The following ARL15 variants were observed in gnomAD, a reference collection of about 807,000 sequenced individuals.
ARL15 encodes ADP-ribosylation factor-like protein 15.
In ARL15, 19 loss-of-function variants were observed where a neutral mutation model predicts 25.2. The observed-to-expected ratio is 0.75, with a 90% CI of 0.53 to 1.10. The LOEUF (loss-of-function observed/expected upper bound fraction) is 1.10, where lower values mean the gene tolerates loss of function less well. Ranked by LOEUF, ARL15 falls within the 50% of genes least tolerant of loss-of-function variation. ARL15 has a pLI of 0.00. For missense variants in ARL15, 220 were observed against 246.0 expected, an observed-to-expected ratio of 0.89 and a Z score of 0.71; for synonymous variants, 94 against 86.8, an observed-to-expected ratio of 1.08 and a Z score of -0.46.
At chr5:54,177,855 C>T (rs1233397462) in intron 1 of ARL15, among the ~76,000 whole-genome samples, 1 of 152,170 alleles carries the variant, frequency 6.6e-6, no homozygotes, top group African/African-American at 2.4e-5. Flanking sequence ...GCTCAAAGTT[C>T]TGTTTAAAGG....
chr5:53,942,815 G>A (rs982978100), intron 4 of ARL15, among the ~76,000 whole-genome samples: 1 of 152,118 alleles, frequency 6.6e-6, no homozygotes, highest in African/African-American at 2.4e-5. Context: ...TGTAGGTGGA[G>A]AAGAGATTAA....
At chr5:53,940,090 T>G (rs1026718323) in intron 4 of ARL15, among the ~76,000 whole-genome samples, 1 of 151,766 alleles carries the variant, frequency 6.6e-6, no homozygotes, top group Non-Finnish European at 1.5e-5. Context: ...GCCATTCTCC[T>G]GCCTCAGCCT....
chr5:53,909,050 A>G (rs1326482625), intron 4 of ARL15, among the ~76,000 whole-genome samples: 2 of 152,218 alleles, frequency 1.3e-5, no homozygotes, highest in Non-Finnish European at 2.9e-5. Flanking sequence ...GGAGAGTAAT[A>G]ACAATGTTTC....
At chr5:54,054,946 C>G (rs1750816697) in intron 4 of ARL15, among the ~76,000 whole-genome samples, 1 of 152,168 alleles carries the variant, frequency 6.6e-6, no homozygotes, top group Non-Finnish European at 1.5e-5. Flanking sequence ...ACATTCCACA[C>G]TCTTGGACAC....
chr5:53,984,521 G>A (rs1410049742), intron 4 of ARL15, among the ~76,000 whole-genome samples: 1 of 151,904 alleles, frequency 6.6e-6, no homozygotes, highest in Non-Finnish European at 1.5e-5. Context: ...AGGCCCCAAC[G>A]CCTATTTAGT....
chr5:53,946,178 G>T (rs530760822), intron 4 of ARL15, among the ~76,000 whole-genome samples: 1 of 152,146 alleles, frequency 6.6e-6, no homozygotes, highest in Admixed American at 6.5e-5. Context: ...AATAGGCTGC[G>T]CACCATCGCT....
chr5:54,197,223 T>C (rs1251719139), intron 1 of ARL15, among the ~76,000 whole-genome samples: 2 of 152,134 alleles, frequency 1.3e-5, no homozygotes, highest in Non-Finnish European at 2.9e-5. Context: ...CAATGTTATC[T>C]GGCAATTCAT....
chr5:54,213,031 C>T (rs1756088153), intron 1 of ARL15, among the ~76,000 whole-genome samples: 2 of 152,202 alleles, frequency 1.3e-5, no homozygotes, highest in Admixed American at 6.5e-5. Context: ...ATCAAGCAAA[C>T]ATAGCATAAT....
intron 2 of ARL15, among the ~76,000 whole-genome samples, chr5:54,163,355 G>GTTGTTTTTTTTTTT (rs1754465268): frequency 1.9e-5 from 1 of 51,342 alleles, no homozygotes; most frequent in Non-Finnish European, 3.5e-5. Flanking sequence ...TTGGTATGAA[G>GTTGTTTTTTTTTTT]CTTTTTTTTT....
At chr5:54,165,382 A>T (rs1047413119) in intron 2 of ARL15, among the ~76,000 whole-genome samples, 21 of 151,922 alleles carry the variant, frequency 1.4e-4, no homozygotes, top group African/African-American at 5.1e-4. Context: ...TTCTTTTAAC[A>T]TTTCTTATAA....
At chr5:54,285,743 C>A (rs994744440) in intron 1 of ARL15, among the ~76,000 whole-genome samples, 2 of 152,168 alleles carry the variant, frequency 1.3e-5, no homozygotes, top group African/African-American at 2.4e-5. Flanking sequence ...AAAACCCCTT[C>A]GAATGAGGCC....
intron 1 of ARL15, among the ~76,000 whole-genome samples, chr5:54,210,800 T>A (rs371479466): frequency 4.6e-5 from 7 of 152,232 alleles, no homozygotes; most frequent in African/African-American, 1.7e-4. Context: ...ATATGCCACA[T>A]AGTTCAATCT....
chr5:54,123,075 A>G (rs1193254535), intron 3 of ARL15, among the ~76,000 whole-genome samples: 1 of 151,856 alleles, frequency 6.6e-6, no homozygotes, highest in African/African-American at 2.4e-5. Flanking sequence ...ATAGTCTAAA[A>G]GAACTCTTAC....
intron 4 of ARL15, among the ~76,000 whole-genome samples, chr5:54,066,625 C>T (rs944812653): frequency 2.0e-5 from 3 of 152,204 alleles, no homozygotes; most frequent in Admixed American, 6.5e-5. Flanking sequence ...TTGGGAGATA[C>T]TTTTGATGGT....
intron 4 of ARL15, among the ~76,000 whole-genome samples, chr5:54,001,763 G>A (rs1366532795): frequency 6.6e-6 from 1 of 152,184 alleles, no homozygotes; most frequent in Admixed American, 6.5e-5. Flanking sequence ...AACAATGGCT[G>A]AAGGAACATC....
chr5:54,239,315 G>C (rs1756893059), intron 1 of ARL15, among the ~76,000 whole-genome samples: 1 of 151,924 alleles, frequency 6.6e-6, no homozygotes, highest in Non-Finnish European at 1.5e-5. Context: ...TACAGTTCAG[G>C]TATCTCTTCT....
At chr5:53,998,473 G>A (rs1326077793) in intron 4 of ARL15, among the ~76,000 whole-genome samples, 1 of 151,924 alleles carries the variant, frequency 6.6e-6, no homozygotes, top group Non-Finnish European at 1.5e-5. Context: ...CCTTTAAGTG[G>A]CTACTGTATA....
At chr5:53,893,059 T>C (rs574917573) in intron 4 of ARL15, among the ~76,000 whole-genome samples, 1 of 152,254 alleles carries the variant, frequency 6.6e-6, no homozygotes, top group East Asian at 1.9e-4. Context: ...AGCACCTTTC[T>C]TTAATCACTA....
intron 1 of ARL15, among the ~76,000 whole-genome samples, chr5:54,260,256 ACCAG>A (rs1757468351): frequency 6.6e-6 from 1 of 152,118 alleles, no homozygotes; most frequent in Non-Finnish European, 1.5e-5. Flanking sequence ...TTAAATGCAA[ACCAG>A]CTTCTCTGTA....
Sources: gnomAD v4.1 joint callset for allele counts (sites outside exome capture counted in the v4.1 genomes callset) on GRCh38, gnomAD v4.1.1 for gene constraint, MANE v1.5 for transcripts, NCBI Gene and HGNC (gene_info 2026-07-23, HGNC 2026-07-21) for gene names.